Variants in ATP8A2 observed in about 807,000 individuals in gnomAD.
ATP8A2 encodes the protein phospholipid-transporting ATPase IB.
In ATP8A2, 100 loss-of-function variants were observed where a neutral mutation model predicts 165.6. That is an observed-to-expected ratio of 0.60 (90% CI 0.51 to 0.71). ATP8A2 has a LOEUF of 0.71. Among genes scored for constraint, ATP8A2 ranks in the 30% least tolerant of loss-of-function variants. The pLI, the probability that ATP8A2 is intolerant of heterozygous loss-of-function variation, is 0.00. For missense variants in ATP8A2, 1,227 were observed against 1,479.5 expected (o/e 0.83, Z 2.80); for synonymous variants, 543 against 548.8 (o/e 0.99, Z 0.15).
intron 25 of ATP8A2, among the ~76,000 whole-genome samples, chr13:25,755,843 G>A (rs1202651214): frequency 2.6e-5 from 4 of 152,110 alleles, no homozygotes; most frequent in Middle Eastern, 3.2e-3. Flanking sequence ...GGAGGTGGAC[G>A]TTGCAGGCAG....
intron 32 of ATP8A2, among the ~76,000 whole-genome samples, chr13:25,861,804 G>A (rs893419090): frequency 1.3e-5 from 2 of 152,156 alleles, no homozygotes; most frequent in African/African-American, 2.4e-5. Flanking sequence ...AATGAACAAC[G>A]CAGTAGATGC....
intron 24 of ATP8A2, among the ~76,000 whole-genome samples, chr13:25,683,034 G>A (rs1042556720): frequency 2.0e-5 from 3 of 152,240 alleles, no homozygotes; most frequent in Non-Finnish European, 2.9e-5. Flanking sequence ...AAACAACCCC[G>A]GAAAGTAAGC....
At chr13:25,832,932 A>G (rs1395559142) in intron 28 of ATP8A2, among the ~76,000 whole-genome samples, 1 of 152,128 alleles carries the variant, frequency 6.6e-6, no homozygotes, top group Non-Finnish European at 1.5e-5. Flanking sequence ...AAATATGTTC[A>G]TATATGATTG....
chr13:25,533,165 G>T (rs2038170314), intron 5 of ATP8A2, 108 bp from the exon 6 acceptor site: 1 of 682,352 alleles, frequency 1.5e-6, no homozygotes, highest in Non-Finnish European at 2.6e-6. Context: ...TAAAGATAGG[G>T]TATGTTAGAA....
intron 33 of ATP8A2, among the ~76,000 whole-genome samples, chr13:25,895,334 G>T (rs953673618): frequency 6.6e-6 from 1 of 152,024 alleles, no homozygotes; most frequent in African/African-American, 2.4e-5. Flanking sequence ...GCTGGATTAT[G>T]TTATTGATTT....
At chr13:25,915,642 T>G (rs922122583) in intron 33 of ATP8A2, among the ~76,000 whole-genome samples, 6 of 152,110 alleles carry the variant, frequency 3.9e-5, no homozygotes, top group African/African-American at 1.2e-4. Flanking sequence ...GAGGACCCAG[T>G]TGGAAGGTGC....
At chr13:25,657,290 G>A (rs1245609690) in intron 24 of ATP8A2, among the ~76,000 whole-genome samples, 1 of 152,080 alleles carries the variant, frequency 6.6e-6, no homozygotes, top group African/African-American at 2.4e-5. Context: ...GTAGGAGGCT[G>A]AGAATGGTTT....
At chr13:25,640,135 C>T (rs1466841136) in intron 24 of ATP8A2, among the ~76,000 whole-genome samples, 1 of 152,038 alleles carries the variant, frequency 6.6e-6, no homozygotes, top group East Asian at 1.9e-4. Flanking sequence ...GCACTAAATG[C>T]CCACAAGAGA....
intron 25 of ATP8A2, among the ~76,000 whole-genome samples, chr13:25,738,351 C>CA (rs2043831535): frequency 6.3e-5 from 5 of 79,260 alleles, no homozygotes; most frequent in South Asian, 4.4e-4. Flanking sequence ...CCCCCCCCCC[C>CA]ACACACACTT....
At chr13:25,851,355 G>T (rs1467420698) in intron 30 of ATP8A2, among the ~76,000 whole-genome samples, 1 of 152,176 alleles carries the variant, frequency 6.6e-6, no homozygotes, top group Non-Finnish European at 1.5e-5. Flanking sequence ...GCCAAGGCGG[G>T]CAGATCACCT....
intron 27 of ATP8A2, among the ~76,000 whole-genome samples, chr13:25,786,667 T>A (rs1395092228): frequency 1.3e-5 from 2 of 152,114 alleles, no homozygotes; most frequent in African/African-American, 2.4e-5. Flanking sequence ...TGAAAGTGCT[T>A]ATTTGTATAG....
chr13:25,699,181 G>A lies in ATP8A2; in HGVS notation c.2220G>A (p.Arg740=), dbSNP rs2042897262. The part of the protein sequence containing the change: ...LLKEDSLDAT[R]AAITQHCTDL... ...CTATACTCTTGTTTCAGGCCACAAG[G>A]GCAGCCATTACTCAGCACTGCACTG... is the stretch of plus-strand genomic sequence containing the variant. The change falls in exon 25 of 37, where the codon AGG becomes AGA. Residue 740 remains arginine, a synonymous_variant. Coordinates refer to ENST00000381655, the MANE Select transcript of ATP8A2 (RefSeq NM_016529.6). 6.4e-7 allele frequency: 1 copy of A among 1,560,254 alleles called. No individual in the cohort carries two copies. The highest frequency in any genetic ancestry group is 8.7e-7 in the Non-Finnish European group (1 of 1,151,112).
intron 24 of ATP8A2, among the ~76,000 whole-genome samples, chr13:25,690,028 GGTACTAAAA>G (rs980682322): frequency 6.6e-6 from 1 of 151,928 alleles, no homozygotes; most frequent in African/African-American, 2.4e-5. Flanking sequence ...AAGGATTCCT[GGTACTAAAA>G]TAAAAATCTA....
At chr13:25,922,998 G>A (rs924748698) in intron 33 of ATP8A2, among the ~76,000 whole-genome samples, 2 of 152,154 alleles carry the variant, frequency 1.3e-5, no homozygotes, top group African/African-American at 2.4e-5. Flanking sequence ...ACTCTTTTCC[G>A]TTGATTTTCA....
chr13:25,996,289 G>T (rs1400316194), intron 35 of ATP8A2, among the ~76,000 whole-genome samples: 2 of 151,942 alleles, frequency 1.3e-5, no homozygotes, highest in East Asian at 3.9e-4. Flanking sequence ...GATATGTTGG[G>T]GCATATGTCT....
chr13:25,949,476 C>T (rs1348080421), intron 33 of ATP8A2, among the ~76,000 whole-genome samples: 2 of 152,236 alleles, frequency 1.3e-5, no homozygotes, highest in Non-Finnish European at 2.9e-5. Flanking sequence ...GCTATGTCAG[C>T]ACAGTGCCTC....
intron 2 of ATP8A2, among the ~76,000 whole-genome samples, chr13:25,509,285 A>G (rs1393102901): frequency 6.6e-6 from 1 of 152,204 alleles, no homozygotes; most frequent in African/African-American, 2.4e-5. Context: ...TTTGACAACC[A>G]TCATAAAAAT....
intron 36 of ATP8A2, among the ~76,000 whole-genome samples, chr13:26,018,361 T>C (rs914338477): frequency 5.9e-5 from 9 of 152,220 alleles, no homozygotes; most frequent in African/African-American, 2.2e-4. Flanking sequence ...TTACTGTATG[T>C]CTTGATACTC....
chr13:25,700,636 G>A (rs889808336), intron 25 of ATP8A2, among the ~76,000 whole-genome samples: 1 of 152,008 alleles, frequency 6.6e-6, no homozygotes, highest in African/African-American at 2.4e-5. Flanking sequence ...TACCCTTTTT[G>A]ACTGTTACGT....
Sources: gnomAD v4.1 joint callset for allele counts (sites outside exome capture counted in the v4.1 genomes callset) on GRCh38, gnomAD v4.1.1 for gene constraint, MANE v1.5 for transcripts, NCBI Gene and HGNC (gene_info 2026-07-23, HGNC 2026-07-21) for gene names.